SLC22A3: variants seen among roughly 807,000 people sequenced by gnomAD.
The protein encoded by SLC22A3 is solute carrier family 22 member 3.
SLC22A3 carries 51 observed loss-of-function variants against 59.1 expected under a neutral mutation model. The ratio of observed to expected loss-of-function variants is 0.86; its 90% confidence interval spans 0.69 to 1.09. The LOEUF (loss-of-function observed/expected upper bound fraction) is 1.09. Ranked by LOEUF, SLC22A3 falls within the 50% of genes least tolerant of loss-of-function variation. SLC22A3 has a pLI of 0.00. For missense variants in SLC22A3, 711 were observed against 726.3 expected, an observed-to-expected ratio of 0.98 and a Z score of 0.24; for synonymous variants, 325 against 292.0, an observed-to-expected ratio of 1.11 and a Z score of -1.15.
At chr6:160,391,631 A>C (rs754018078) in intron 1 of SLC22A3, among the ~76,000 whole-genome samples, 2 of 152,324 alleles carry the variant, frequency 1.3e-5, no homozygotes, top group African/African-American at 4.8e-5. Context: ...AACCCAGAAC[A>C]TATTTAGAAC....
At chr6:160,412,056 G>A (rs938808667) in intron 5 of SLC22A3, among the ~76,000 whole-genome samples, 4 of 152,126 alleles carry the variant, frequency 2.6e-5, no homozygotes, top group South Asian at 2.1e-4. Context: ...TGATAAGAAC[G>A]TTCTGATAAG....
chr6:160,389,144 G>C (rs1269828465), intron 1 of SLC22A3, among the ~76,000 whole-genome samples: 1 of 152,204 alleles, frequency 6.6e-6, no homozygotes, highest in African/African-American at 2.4e-5. Flanking sequence ...CAGATGACAT[G>C]ATGATGAAAT....
chr6:160,393,617 A>G (rs1248527920), intron 1 of SLC22A3, among the ~76,000 whole-genome samples: 1 of 151,998 alleles, frequency 6.6e-6, no homozygotes, highest in East Asian at 1.9e-4. Flanking sequence ...AAGAACATGA[A>G]CTCATCATTT....
intron 5 of SLC22A3, among the ~76,000 whole-genome samples, chr6:160,411,140 G>C (rs1034946480): frequency 1.8e-4 from 27 of 152,092 alleles, no homozygotes; most frequent in African/African-American, 6.0e-4. Flanking sequence ...GATCATTTCA[G>C]TACATATTTT....
Position 160,442,783 on chromosome 6 carries a change from A to C in SLC22A3, c.1311A>C (p.Thr437=), listed in dbSNP as rs1376429161. Residue 437 remains threonine (T), a synonymous_variant, in exon 8 of 11, where the codon ACA becomes ACC. Transcript: ENST00000275300. The stretch of plus-strand genomic sequence containing the variant: ...CAGGAATAGCATGGTTGAGGACCAC[A>C]GTGGCTACATTGGGAAGACTAGGGA... ...LPEGIAWLRT[T]VATLGRLGIT... 3.1e-6 allele frequency: 5 copies of C among 1,613,968 alleles called. No individual in the cohort carries two copies. Among genetic ancestry groups the C allele is most frequent in the Middle Eastern group, 1.6e-4 (1 of 6,062 alleles).
intron 1 of SLC22A3, among the ~76,000 whole-genome samples, chr6:160,360,018 A>T (rs405405): frequency 0.24 from 36,605 of 152,164 alleles, 4,619 homozygotes; most frequent in East Asian, 0.31. Flanking sequence ...TCAAATATTT[A>T]TAATCATAGT....
At chr6:160,447,277 G>T (rs539219249) in intron 9 of SLC22A3, among the ~76,000 whole-genome samples, 6 of 152,270 alleles carry the variant, frequency 3.9e-5, no homozygotes, top group African/African-American at 1.4e-4. Context: ...GGAGAAGGCT[G>T]GTCCCGGAGT....
intron 1 of SLC22A3, among the ~76,000 whole-genome samples, chr6:160,392,768 A>G (rs1786312552): frequency 6.6e-6 from 1 of 152,206 alleles, no homozygotes; most frequent in Non-Finnish European, 1.5e-5. Context: ...AGCCATTATT[A>G]GGCTCTGTTA....
chr6:160,414,679 C>T (rs996249603), intron 5 of SLC22A3, among the ~76,000 whole-genome samples: 2 of 152,080 alleles, frequency 1.3e-5, no homozygotes, highest in Non-Finnish European at 2.9e-5. Context: ...GGAGAAGTGC[C>T]GAGCAAAGGG....
chr6:160,375,002 G>T (rs868546424), intron 1 of SLC22A3, among the ~76,000 whole-genome samples: 1 of 152,098 alleles, frequency 6.6e-6, no homozygotes, highest in Non-Finnish European at 1.5e-5. Context: ...TGTCCAACTC[G>T]CATAGAAGGC....
intron 9 of SLC22A3, among the ~76,000 whole-genome samples, chr6:160,444,581 A>G (rs1415158463): frequency 6.6e-6 from 1 of 152,050 alleles, no homozygotes; most frequent in African/African-American, 2.4e-5. Context: ...AAGGAACAGA[A>G]TCATAGTCTA....
intron 1 of SLC22A3, among the ~76,000 whole-genome samples, chr6:160,394,627 G>A (rs868681265): frequency 6.6e-5 from 10 of 152,184 alleles, no homozygotes; most frequent in Admixed American, 1.3e-4. Context: ...TTCTACCTTT[G>A]AAAGATGGCA....
chr6:160,373,328 C>T (rs1306598184), intron 1 of SLC22A3, among the ~76,000 whole-genome samples: 3 of 152,174 alleles, frequency 2.0e-5, no homozygotes, highest in African/African-American at 7.2e-5. Flanking sequence ...TGGGTATCAC[C>T]AGTGGAGGCT....
At chr6:160,373,789 G>C (rs1005811490) in intron 1 of SLC22A3, among the ~76,000 whole-genome samples, 2 of 152,164 alleles carry the variant, frequency 1.3e-5, no homozygotes, top group African/African-American at 4.8e-5. Flanking sequence ...AAACTTCCCA[G>C]AGGCTTTGTT....
chr6:160,430,223 A>C (rs967143601), intron 5 of SLC22A3, among the ~76,000 whole-genome samples: 4 of 151,692 alleles, frequency 2.6e-5, no homozygotes, highest in Non-Finnish European at 5.9e-5. Flanking sequence ...TAATAATATT[A>C]AAATAATATA....
chr6:160,400,436 C>G (rs1786723187), intron 2 of SLC22A3, among the ~76,000 whole-genome samples: 1 of 152,026 alleles, frequency 6.6e-6, no homozygotes, highest in Non-Finnish European at 1.5e-5. Flanking sequence ...CCTTTCTCCC[C>G]TAGTTCAGAG....
At chr6:160,438,065 T>C (rs976816939) in intron 7 of SLC22A3, among the ~76,000 whole-genome samples, 5 of 152,070 alleles carry the variant, frequency 3.3e-5, no homozygotes, top group African/African-American at 1.2e-4. Context: ...CAGGGGGAGA[T>C]GCTGAGAGCA....
chr6:160,362,989 G>C (rs1364168017), intron 1 of SLC22A3, among the ~76,000 whole-genome samples: 6 of 152,260 alleles, frequency 3.9e-5, no homozygotes, highest in Non-Finnish European at 8.8e-5. Flanking sequence ...CTCTAATTGA[G>C]TGCAGGCAGC....
chr6:160,399,263 T>C (rs548759870), intron 2 of SLC22A3, among the ~76,000 whole-genome samples: 6 of 152,192 alleles, frequency 3.9e-5, no homozygotes, highest in Non-Finnish European at 8.8e-5. Context: ...CTTCTAGCCC[T>C]TTCAAGCTTC....
Sources: allele counts gnomAD v4.1 joint callset (sites outside exome capture counted in the v4.1 genomes callset), GRCh38; gene constraint gnomAD v4.1.1; transcripts MANE v1.5; gene names NCBI Gene and HGNC (gene_info 2026-07-23, HGNC 2026-07-21).